Variants in CLCN5 observed in about 807,000 individuals in gnomAD.
The protein encoded by CLCN5 is H(+)/Cl(-) exchange transporter 5.
CLCN5 carries 17 observed loss-of-function variants against 54.0 expected under a neutral mutation model. The ratio of observed to expected loss-of-function variants is 0.31; its 90% CI spans 0.22 to 0.47. The LOEUF (loss-of-function observed/expected upper bound fraction) is 0.47. Among genes scored for constraint, CLCN5 ranks in the 20% least tolerant of loss-of-function variants. CLCN5 has a pLI of 1.00. For synonymous variants in CLCN5, 222 were observed against 233.0 expected (o/e 0.95, Z 0.43); for missense variants, 448 against 646.7 (o/e 0.69, Z 3.33).
chrX:49,964,118 C>T (rs898617313), intron 3 of CLCN5, among the ~76,000 whole-genome samples: 1 of 112,075 alleles, frequency 8.9e-6, no homozygotes, highest in African/African-American at 3.2e-5. Context: ...AATTGAGCTG[C>T]TTTTGTTCAA....
intron 6 of CLCN5, among the ~76,000 whole-genome samples, chrX:50,072,984 A>G (rs898171022): frequency 1.8e-5 from 2 of 108,641 alleles, no homozygotes; most frequent in Admixed American, 2.0e-4. Flanking sequence ...TTAAACATCT[A>G]CTCTCTCATT....
At position 49,965,435 on chromosome X, in the gene CLCN5, T is replaced by A. The variant is rs781807821; in HGVS notation, c.16+40121T>A. On this transcript the variant is annotated intron_variant, in intron 3 of 14. Transcript: ENST00000376091. ...TATTTTTTATTTCAATTTTTGATTG[T>A]TGCTAGTATATAGAAATAGAATTCA... 3.6e-5 allele frequency among the ~76,000 whole-genome samples: 4 copies of A among 112,157 alleles called. No individual in the cohort carries two copies. In the South Asian group the frequency reaches 1.5e-3, roughly 41 times the overall value.
intron 3 of CLCN5, among the ~76,000 whole-genome samples, chrX:49,928,700 C>A (rs915760220): frequency 9.0e-6 from 1 of 111,330 alleles, no homozygotes; most frequent in Admixed American, 9.5e-5. Context: ...CCGAGGCGGG[C>A]GGATCACGAG....
intron 4 of CLCN5, among the ~76,000 whole-genome samples, chrX:50,062,664 G>A (rs1227970987): frequency 1.0e-5 from 1 of 97,879 alleles, no homozygotes; most frequent in African/African-American, 4.7e-5. Flanking sequence ...GGACCTAATA[G>A]ACATCTACAG....
intron 3 of CLCN5, among the ~76,000 whole-genome samples, chrX:49,949,557 T>C (rs1557172688): frequency 8.9e-6 from 1 of 112,137 alleles, no homozygotes; most frequent in Non-Finnish European, 1.9e-5. Context: ...TATTTGACTA[T>C]TAAAGTAAAT....
At position 50,097,183 on chromosome X, in the gene CLCN5, G is replaced by T. The variant is rs1216754025; in HGVS notation, c.*4964G>T. ...ATTTCAGTTGCTTGCTCCAAGGAGA[G>T]AATTTCTGAGAACAATGGGTGTTAG... is the stretch of plus-strand genomic sequence containing the variant. On this transcript the variant is annotated 3_prime_UTR_variant, in exon 15 of 15. Transcript: ENST00000376091. 9.0e-6 allele frequency: 1 copy of T among 111,350 alleles called. No individual in the cohort carries two copies. Among genetic ancestry groups the T allele is most frequent in the East Asian group, 2.8e-4 (1 of 3,552 alleles). The allele number at this position is 111,350 out of a possible 1,213,427, so 9.2% of individuals were successfully genotyped here.
intron 3 of CLCN5, among the ~76,000 whole-genome samples, chrX:50,029,828 G>T (rs782073758): frequency 6.3e-5 from 7 of 111,934 alleles, no homozygotes; most frequent in Non-Finnish European, 1.3e-4. Flanking sequence ...TTGGTGTGGC[G>T]ATTCCTCAGG....
chrX:49,955,099 C>T (rs1206363583), intron 3 of CLCN5, among the ~76,000 whole-genome samples: 1 of 111,346 alleles, frequency 9.0e-6, no homozygotes, highest in Admixed American at 9.5e-5. Flanking sequence ...CACTTAACCT[C>T]TCAGAGTCTC....
chrX:50,092,377 T>C lies in CLCN5; in HGVS notation c.*158T>C, dbSNP rs1342540219. On this transcript the variant is annotated 3_prime_UTR_variant, in exon 15 of 15. Transcript: ENST00000376091. ...AGTTAACCAGTTGCACTACATAATC[T>C]CTGGAAATTAATTTTCTCTTTAGGA... 4 of 443,757 alleles carry C rather than the reference T, an allele frequency of 9.0e-6. No homozygotes were observed. Among genetic ancestry groups the C allele is most frequent in the Non-Finnish European group, 1.6e-5 (4 of 253,402 alleles). 36.6% of individuals were successfully genotyped at this position (443,757 alleles called of 1,213,427 possible).
intron 8 of CLCN5, 98 bp from the exon 9 acceptor site, chrX:50,081,543 T>G (rs1233672565): frequency 9.4e-6 from 6 of 640,136 alleles, no homozygotes; most frequent in Non-Finnish European, 1.5e-5. Context: ...TGTCACTTAT[T>G]CAAAAGGTGC....
At chrX:49,960,392 C>CT (rs1927538972) in intron 3 of CLCN5, among the ~76,000 whole-genome samples, 2 of 110,413 alleles carry the variant, frequency 1.8e-5, no homozygotes, top group African/African-American at 6.6e-5. Flanking sequence ...TTCACTAATC[C>CT]TTTTTTACAC....
At position 50,096,165 on chromosome X, in the gene CLCN5, G is replaced by A. The variant is rs1934255796; in HGVS notation, c.*3946G>A. 9.0e-6 allele frequency: 1 copy of A among 111,031 alleles called. No homozygotes were observed. The highest frequency in any genetic ancestry group is 1.9e-5 in the Non-Finnish European group (1 of 53,034). 9.2% of individuals were successfully genotyped at this position (111,031 alleles called of 1,213,427 possible). On this transcript the variant is annotated 3_prime_UTR_variant, in exon 15 of 15. Coordinates refer to ENST00000376091, the MANE Select transcript of CLCN5 (RefSeq NM_001127898.4). ...GGAAGCAGGAAAACATCTTTTGGGTGGTGCATAGAACATTGAGCTCTTAAA... is the reference window on the plus strand; with the variant it reads ...GGAAGCAGGAAAACATCTTTTGGGTAGTGCATAGAACATTGAGCTCTTAAA...
chrX:50,094,079 C>G lies in CLCN5; in HGVS notation c.*1860C>G, dbSNP rs1199449070. 8.9e-6 allele frequency: 1 copy of G among 111,813 alleles called. No individual in the cohort carries two copies. Among genetic ancestry groups the G allele is most frequent in the Non-Finnish European group, 1.9e-5 (1 of 53,187 alleles). 9.2% of individuals were successfully genotyped at this position (111,813 alleles called of 1,213,427 possible). ...TACCTCATTTTAAGAGTTGCTGATC[C>G]CTGATTCTAGGACGTTTTTACCCAT... On this transcript the variant is annotated 3_prime_UTR_variant, in exon 15 of 15. Coordinates refer to ENST00000376091, the MANE Select transcript of CLCN5 (RefSeq NM_001127898.4).
intron 3 of CLCN5, among the ~76,000 whole-genome samples, chrX:50,039,778 C>T (rs782461734): frequency 5.4e-5 from 6 of 110,125 alleles, no homozygotes; most frequent in Non-Finnish European, 9.5e-5. Context: ...CTGCAACCTC[C>T]GCCTCCCGGT....
chrX:49,935,234 G>T (rs1925881545), intron 3 of CLCN5, among the ~76,000 whole-genome samples: 1 of 111,871 alleles, frequency 8.9e-6, no homozygotes, highest in Non-Finnish European at 1.9e-5. Context: ...CACCCCTGCT[G>T]GCCTAGATCA....
chrX:49,930,187 A>G (rs1486586971), intron 3 of CLCN5, among the ~76,000 whole-genome samples: 2 of 112,290 alleles, frequency 1.8e-5, no homozygotes, highest in Non-Finnish European at 3.8e-5. Context: ...CATTTTCTCC[A>G]GTATAATTTG....
chrX:49,991,685 A>G (rs1929269272), intron 3 of CLCN5, among the ~76,000 whole-genome samples: 1 of 112,017 alleles, frequency 8.9e-6, no homozygotes, highest in Non-Finnish European at 1.9e-5. Flanking sequence ...AGTTTAGCCA[A>G]AGGATGTCAA....
At chrX:50,013,949 C>T (rs977565306) in intron 3 of CLCN5, among the ~76,000 whole-genome samples, 3 of 112,278 alleles carry the variant, frequency 2.7e-5, no homozygotes, top group African/African-American at 9.7e-5. Flanking sequence ...TTTGGGAATG[C>T]CACAGTAAAC....
chrX:50,063,853 G>A (rs1343715706), intron 4 of CLCN5, among the ~76,000 whole-genome samples: 11 of 111,324 alleles, frequency 9.9e-5, no homozygotes, highest in Admixed American at 2.8e-4. Context: ...GGCTGGTTCA[G>A]TATACGCAAA....
Sources: allele counts gnomAD v4.1 joint callset (sites outside exome capture counted in the v4.1 genomes callset), GRCh38; gene constraint gnomAD v4.1.1; transcripts MANE v1.5; gene names NCBI Gene and HGNC (gene_info 2026-07-23, HGNC 2026-07-21).